CREB5: variants seen among roughly 807,000 people sequenced by gnomAD.
CREB5 encodes cyclic AMP-responsive element-binding protein 5.
A neutral mutation model predicts 57.1 loss-of-function variants in CREB5; 19 were observed. The ratio of observed to expected loss-of-function variants is 0.33; its 90% CI spans 0.23 to 0.49. The LOEUF (loss-of-function observed/expected upper bound fraction) is 0.49. Ranked by LOEUF, CREB5 falls within the 20% of genes least tolerant of loss-of-function variation. The pLI, the probability that CREB5 is intolerant of heterozygous loss-of-function variation, is 0.99. For synonymous variants in CREB5, 238 were observed against 238.3 expected (o/e 1.00, Z 0.01); for missense variants, 579 against 671.6 (o/e 0.86, Z 1.52).
In CREB5 at chr7:28,339,912, T is replaced by C. The variant is rs113910594; in HGVS notation, c.-25+40471T>C. Among the ~76,000 whole-genome samples, 965 of 152,328 alleles carry C rather than the reference T, an allele frequency of 6.3e-3. 6 individuals are homozygous for C. The highest frequency in any genetic ancestry group is 0.022 in the African/African-American group (910 of 41,572). On this transcript the variant is annotated intron_variant, in intron 1 of 9. Coordinates refer to the CREB5 transcript ENST00000396299. The stretch of plus-strand genomic sequence containing the variant: ...GGAAAAGGAGTCTCTCCCCATGGCC[T>C]GTGCCACCACAGGCCCACGGGCAGT...
At chr7:28,789,784 T>G (rs1807554839) in intron 7 of CREB5, among the ~76,000 whole-genome samples, 1 of 152,184 alleles carries the variant, frequency 6.6e-6, no homozygotes, top group Admixed American at 6.5e-5. Flanking sequence ...TGAATACACA[T>G]TCCTAGAGTC....
In CREB5 at chr7:28,330,541, A is replaced by T. The variant is rs560297908; in HGVS notation, c.-25+31100A>T. Among the ~76,000 whole-genome samples the T allele has an allele frequency of 5.3e-5, 8 of 151,096 alleles. No homozygotes were observed. In the East Asian group the frequency reaches 1.6e-3, roughly 30 times the overall value. ...CAGATTGAAAGTAATAGAGTGACTT[A>T]TCTAAGTTTTGCATTCTTTGATGAT... On this transcript the variant is annotated intron_variant, in intron 1 of 9. Coordinates refer to the CREB5 transcript ENST00000396299.
At chr7:28,368,756 G>T (rs1361981149) in intron 1 of CREB5, among the ~76,000 whole-genome samples, 1 of 152,172 alleles carries the variant, frequency 6.6e-6, no homozygotes, top group African/African-American at 2.4e-5. Flanking sequence ...ACTAGAAATT[G>T]ATTATATTGG....
intron 4 of CREB5, among the ~76,000 whole-genome samples, chr7:28,533,628 C>T (rs530166548): frequency 7.2e-5 from 11 of 152,328 alleles, no homozygotes; most frequent in Admixed American, 3.3e-4. Context: ...GTTATTTTTA[C>T]GGGTTTTTGA....
At chr7:28,323,234 G>GA (rs1785523369) in intron 1 of CREB5, among the ~76,000 whole-genome samples, 1 of 152,214 alleles carries the variant, frequency 6.6e-6, no homozygotes, top group Non-Finnish European at 1.5e-5. Flanking sequence ...CTTGGTTGGA[G>GA]AAAAACCCAC....
At chr7:28,596,906 G>A (rs147810757) in intron 5 of CREB5, among the ~76,000 whole-genome samples, 1 of 152,266 alleles carries the variant, frequency 6.6e-6, no homozygotes, top group East Asian at 1.9e-4. Context: ...TTTGTTTAAT[G>A]TCATGTGAAC....
chr7:28,479,017 C>G (rs1171864295), intron 1 of CREB5, among the ~76,000 whole-genome samples: 2 of 152,070 alleles, frequency 1.3e-5, no homozygotes, highest in African/African-American at 4.8e-5. Flanking sequence ...TAACTTTGCC[C>G]GAGTTTTTCA....
intron 5 of CREB5, among the ~76,000 whole-genome samples, chr7:28,664,795 G>A (rs1218445343): frequency 2.0e-5 from 3 of 152,132 alleles, no homozygotes; most frequent in African/African-American, 7.2e-5. Flanking sequence ...TTCATGTGGA[G>A]AAGGGGAAAT....
intron 1 of CREB5, among the ~76,000 whole-genome samples, chr7:28,355,130 T>G (rs138560432): frequency 6.8e-4 from 103 of 152,364 alleles, no homozygotes; most frequent in African/African-American, 2.2e-3. Flanking sequence ...TCATTTTGAC[T>G]GTGTATGCAC....
At chr7:28,547,861 G>A (rs547548849) in intron 4 of CREB5, among the ~76,000 whole-genome samples, 1 of 152,228 alleles carries the variant, frequency 6.6e-6, no homozygotes, top group African/African-American at 2.4e-5. Context: ...CTTCTTATGG[G>A]GTTCCTGGAA....
intron 5 of CREB5, among the ~76,000 whole-genome samples, chr7:28,589,963 T>C (rs1364705558): frequency 6.6e-6 from 1 of 152,188 alleles, no homozygotes; most frequent in Admixed American, 6.5e-5. Context: ...GGAAAGACAT[T>C]ATATCTGGTG....
intron 5 of CREB5, among the ~76,000 whole-genome samples, chr7:28,588,848 T>C (rs541350918): frequency 6.6e-6 from 1 of 152,320 alleles, no homozygotes; most frequent in East Asian, 1.9e-4. Context: ...AGATTGTGAA[T>C]CTGGATTAGA....
chr7:28,531,156 T>C, intron 4 of CREB5, among the ~76,000 whole-genome samples: 1 of 151,998 alleles, frequency 6.6e-6, no homozygotes, highest in Admixed American at 6.6e-5. Flanking sequence ...TCTTATATAG[T>C]CTCTTGGTCT....
At chr7:28,810,121 G>A (rs1809020079) in intron 9 of CREB5, among the ~76,000 whole-genome samples, 1 of 152,022 alleles carries the variant, frequency 6.6e-6, no homozygotes, top group Non-Finnish European at 1.5e-5. Context: ...TAAGAGGAAA[G>A]GAAGGAACTC....
chr7:28,452,078 C>T (rs996895408), intron 1 of CREB5, among the ~76,000 whole-genome samples: 1 of 152,160 alleles, frequency 6.6e-6, no homozygotes, highest in African/African-American at 2.4e-5. Flanking sequence ...CAGTGCTGCA[C>T]CAGCCCATCT....
intron 4 of CREB5, among the ~76,000 whole-genome samples, chr7:28,518,082 C>T (rs1793053235): frequency 6.6e-6 from 1 of 152,092 alleles, no homozygotes; most frequent in Non-Finnish European, 1.5e-5. Flanking sequence ...AGCTTGCTTC[C>T]CAGTCCTCTC....
At chr7:28,317,277 C>T (rs536730999) in intron 1 of CREB5, among the ~76,000 whole-genome samples, 1 of 152,104 alleles carries the variant, frequency 6.6e-6, no homozygotes, top group Non-Finnish European at 1.5e-5. Context: ...CAGTGTGAAA[C>T]CAGGGTGGGC....
intron 1 of CREB5, among the ~76,000 whole-genome samples, chr7:28,381,392 C>T (rs1489376484): frequency 6.6e-6 from 1 of 152,098 alleles, no homozygotes; most frequent in Non-Finnish European, 1.5e-5. Context: ...GGAAGGAAAC[C>T]AATGAGAGTG....
At chr7:28,451,076 C>A (rs1789774335) in intron 1 of CREB5, among the ~76,000 whole-genome samples, 2 of 152,258 alleles carry the variant, frequency 1.3e-5, no homozygotes, top group South Asian at 2.1e-4. Flanking sequence ...AGTATGCCAG[C>A]ACTGGCTGTG....
Sources: gnomAD v4.1 joint callset for allele counts (sites outside exome capture counted in the v4.1 genomes callset) on GRCh38, gnomAD v4.1.1 for gene constraint, MANE v1.5 for transcripts, NCBI Gene and HGNC (gene_info 2026-07-23, HGNC 2026-07-21) for gene names.